Variants in RARB observed in about 807,000 individuals in gnomAD.
RARB encodes retinoic acid receptor beta.
A neutral mutation model predicts 51.9 loss-of-function variants in RARB; 17 were observed. The ratio of observed to expected loss-of-function variants is 0.33; its 90% CI spans 0.22 to 0.49. RARB has a LOEUF of 0.49. Ranked by LOEUF, RARB falls within the 20% of genes least tolerant of loss-of-function variation. The pLI, the probability that RARB is intolerant of heterozygous loss-of-function variation, is 0.99. For missense variants in RARB, 369 were observed against 550.8 expected (o/e 0.67, Z 3.30); for synonymous variants, 215 against 195.4 (o/e 1.10, Z -0.84).
intron 2 of RARB, among the ~76,000 whole-genome samples, chr3:25,035,161 A>T (rs1271871424): frequency 3.9e-5 from 6 of 151,952 alleles, no homozygotes; most frequent in Non-Finnish European, 5.9e-5. Context: ...TTACTCTATC[A>T]CTCGGGCTGC....
intron 5 of RARB, among the ~76,000 whole-genome samples, chr3:25,192,930 A>G (rs1383640745): frequency 3.3e-5 from 5 of 152,066 alleles, no homozygotes; most frequent in Admixed American, 2.6e-4. Flanking sequence ...ACATCTGTAA[A>G]TGGAACCAAG....
At chr3:25,554,767 G>A (rs563119797) in intron 3 of RARB, among the ~76,000 whole-genome samples, 1 of 152,290 alleles carries the variant, frequency 6.6e-6, no homozygotes, top group East Asian at 1.9e-4. Context: ...TTTGAGGGCT[G>A]AGAAGTCCAA....
intron 2 of RARB, among the ~76,000 whole-genome samples, chr3:25,495,676 A>T (rs1696989660): frequency 1.3e-5 from 2 of 152,198 alleles, no homozygotes; most frequent in South Asian, 4.2e-4. Flanking sequence ...AGGAAGATTG[A>T]AAAATCCACG....
chr3:25,347,219 G>A (rs1046421526), intron 5 of RARB, among the ~76,000 whole-genome samples: 3 of 152,206 alleles, frequency 2.0e-5, no homozygotes, highest in African/African-American at 7.2e-5. Flanking sequence ...CTTCATGCTG[G>A]TTGGATCTGA....
At chr3:25,575,339 A>C (rs1700884375) in intron 4 of RARB, among the ~76,000 whole-genome samples, 1 of 152,136 alleles carries the variant, frequency 6.6e-6, no homozygotes, top group Non-Finnish European at 1.5e-5. Flanking sequence ...GGGACCCCTG[A>C]CCTAGACCAT....
At chr3:25,049,232 G>A (rs1290834137) in intron 2 of RARB, among the ~76,000 whole-genome samples, 2 of 152,164 alleles carry the variant, frequency 1.3e-5, no homozygotes, top group African/African-American at 2.4e-5. Flanking sequence ...CTGGGAGAAA[G>A]GAAATAGGCT....
intron 2 of RARB, among the ~76,000 whole-genome samples, chr3:24,969,732 T>C (rs1031810386): frequency 3.9e-5 from 6 of 152,144 alleles, no homozygotes; most frequent in Non-Finnish European, 7.4e-5. Flanking sequence ...TCCCAATGAC[T>C]GCAATGAGGC....
intron 3 of RARB, among the ~76,000 whole-genome samples, chr3:25,557,595 C>A (rs1700111609): frequency 6.6e-6 from 1 of 152,078 alleles, no homozygotes; most frequent in South Asian, 2.1e-4. Flanking sequence ...AACCCTTGAC[C>A]CTTCCTGCTG....
chr3:25,230,424 A>G (rs576027275), intron 5 of RARB, among the ~76,000 whole-genome samples: 1 of 152,256 alleles, frequency 6.6e-6, no homozygotes, highest in South Asian at 2.1e-4. Context: ...TCAGGGAGCT[A>G]GAATGACATG....
chr3:25,221,469 T>G (rs1230471366), intron 5 of RARB, among the ~76,000 whole-genome samples: 1 of 152,204 alleles, frequency 6.6e-6, no homozygotes, highest in Non-Finnish European at 1.5e-5. Flanking sequence ...TGGTAGTGAT[T>G]ATTCTTAGAA....
rs556255220 is a variant in RARB, at chr3:25,047,470, T to G, written c.-379-12655T>G. ...GAAACCTGTGAAAAAGAAAAGGAGT[T>G]TTTAAAGGATTCACTCAGACTCTAC... On this transcript the variant is annotated intron_variant, in intron 2 of 11. Coordinates refer to the RARB transcript ENST00000383772. Among the ~76,000 whole-genome samples, 7 of 152,040 alleles carry G rather than the reference T, an allele frequency of 4.6e-5. No individual in the cohort carries two copies. The East Asian group carries it at 7.7e-4, about 17-fold the overall frequency.
At chr3:24,976,596 T>C (rs901498889) in intron 2 of RARB, among the ~76,000 whole-genome samples, 4 of 152,362 alleles carry the variant, frequency 2.6e-5, no homozygotes, top group Admixed American at 2.0e-4. Context: ...TCATATCCTT[T>C]GTCCACTTTT....
At position 25,262,515 on chromosome 3, in the gene RARB, A is replaced by G. The variant is rs143964564; in HGVS notation, c.178+87940A>G. ...TCGTTCCTTTCTGTTGACTTTGGAC[A>G]TGATCCTTGTCCTTAACCTTTTCCA... On this transcript the variant is annotated intron_variant, in intron 5 of 11. Coordinates refer to the RARB transcript ENST00000383772. 3.4e-3 allele frequency among the ~76,000 whole-genome samples: 517 copies of G among 152,334 alleles called. 3 individuals are homozygous for G. Among genetic ancestry groups the G allele is most frequent in the African/African-American group, 0.012 (504 of 41,590 alleles).
At chr3:25,454,724 A>G (rs1043514849) in intron 1 of RARB, among the ~76,000 whole-genome samples, 1 of 152,160 alleles carries the variant, frequency 6.6e-6, no homozygotes, top group Non-Finnish European at 1.5e-5. Context: ...TAAAAATGTT[A>G]TCTGCTACTT....
chr3:24,923,051 T>A (rs575339367), intron 2 of RARB, among the ~76,000 whole-genome samples: 1 of 152,196 alleles, frequency 6.6e-6, no homozygotes, highest in South Asian at 2.1e-4. Flanking sequence ...TGCAGCAGGT[T>A]ACAACAAAAG....
chr3:25,239,978 G>C (rs865909983), intron 5 of RARB, among the ~76,000 whole-genome samples: 1 of 151,248 alleles, frequency 6.6e-6, no homozygotes, highest in Middle Eastern at 3.4e-3. Flanking sequence ...TCAGTGTTTG[G>C]TAGCTTTCCT....
At chr3:25,488,434 A>G (rs543521720) in intron 2 of RARB, among the ~76,000 whole-genome samples, 1 of 152,338 alleles carries the variant, frequency 6.6e-6, no homozygotes, top group South Asian at 2.1e-4. Context: ...CTCCCTCCTA[A>G]GTTATCTCTT....
intron 2 of RARB, among the ~76,000 whole-genome samples, chr3:24,996,282 T>G (rs1697036931): frequency 6.6e-6 from 1 of 152,058 alleles, no homozygotes; most frequent in South Asian, 2.1e-4. Flanking sequence ...TCCATTGTAT[T>G]TCTATGGTAT....
chr3:25,535,594 T>C (rs1699108208), intron 3 of RARB, among the ~76,000 whole-genome samples: 1 of 152,124 alleles, frequency 6.6e-6, no homozygotes, highest in Non-Finnish European at 1.5e-5. Flanking sequence ...TGGTGTGTGA[T>C]GTTCCCTTCC....
Sources: gnomAD v4.1 joint callset for allele counts (sites outside exome capture counted in the v4.1 genomes callset) on GRCh38, gnomAD v4.1.1 for gene constraint, MANE v1.5 for transcripts, NCBI Gene and HGNC (gene_info 2026-07-23, HGNC 2026-07-21) for gene names.